Variants in SLC2A9 observed in about 807,000 individuals in gnomAD.
SLC2A9 encodes solute carrier family 2 member 9.
A neutral mutation model predicts 50.6 loss-of-function variants in SLC2A9; 39 were observed. The observed-to-expected ratio is 0.77, with a 90% CI of 0.60 to 1.01. The LOEUF (loss-of-function observed/expected upper bound fraction) is 1.01, where lower values mean the gene tolerates loss of function less well. Ranked by LOEUF, SLC2A9 falls within the 50% of genes least tolerant of loss-of-function variation. The pLI, the probability that SLC2A9 is intolerant of heterozygous loss-of-function variation, is 0.00. For missense variants in SLC2A9, 686 were observed against 677.6 expected (o/e 1.01, Z -0.14); for synonymous variants, 324 against 276.9 (o/e 1.17, Z -1.69).
intron 6 of SLC2A9, among the ~76,000 whole-genome samples, chr4:9,931,307 G>T (rs1316048832): frequency 6.6e-6 from 1 of 152,164 alleles, no homozygotes; most frequent in Admixed American, 6.5e-5. Context: ...CAAAGAACTT[G>T]AAAGAGGAAT....
intron 2 of SLC2A9, among the ~76,000 whole-genome samples, chr4:10,005,091 T>G (rs1261284037): frequency 1.3e-5 from 2 of 152,238 alleles, no homozygotes; most frequent in Non-Finnish European, 2.9e-5. Context: ...AGATACAAAT[T>G]CTGCTGTTTC....
chr4:9,945,341 C>T (rs1748940395), intron 5 of SLC2A9, among the ~76,000 whole-genome samples: 1 of 152,174 alleles, frequency 6.6e-6, no homozygotes, highest in Non-Finnish European at 1.5e-5. Flanking sequence ...AGGATTTAGT[C>T]CATGAATGGA....
chr4:9,979,394 C>T (rs1307060024), intron 5 of SLC2A9, among the ~76,000 whole-genome samples: 1 of 152,090 alleles, frequency 6.6e-6, no homozygotes, highest in Non-Finnish European at 1.5e-5. Context: ...GTGCACTGTT[C>T]GTGCCTAGAA....
chr4:9,809,286 T>C (rs1351166119), intron 3 of SLC2A9, among the ~76,000 whole-genome samples: 3 of 152,082 alleles, frequency 2.0e-5, no homozygotes, highest in Non-Finnish European at 4.4e-5. Flanking sequence ...TATCATATCC[T>C]GTTGTCCCCA....
intron 3 of SLC2A9, among the ~76,000 whole-genome samples, chr4:9,991,865 G>T (rs1256113510): frequency 1.3e-5 from 2 of 152,196 alleles, no homozygotes; most frequent in African/African-American, 2.4e-5. Flanking sequence ...GTGAGAAAAT[G>T]AATGTCTGTT....
chr4:9,875,007 G>A (rs1212119784), intron 10 of SLC2A9, among the ~76,000 whole-genome samples: 1 of 142,942 alleles, frequency 7.0e-6, no homozygotes, highest in Admixed American at 6.9e-5. Flanking sequence ...TGTCTAAGAT[G>A]GGATGCTGTG....
chr4:9,865,135 C>A (rs902520350), intron 10 of SLC2A9, among the ~76,000 whole-genome samples: 1 of 152,206 alleles, frequency 6.6e-6, no homozygotes, highest in African/African-American at 2.4e-5. Flanking sequence ...GTTAGAACAG[C>A]GGTTCATAGC....
chr4:9,837,873 G>A (rs1485684900), intron 10 of SLC2A9, among the ~76,000 whole-genome samples: 2 of 152,144 alleles, frequency 1.3e-5, no homozygotes, highest in Non-Finnish European at 2.9e-5. Context: ...TTCCCAACCA[G>A]AGAAGGTGGT....
intron 3 of SLC2A9, among the ~76,000 whole-genome samples, chr4:9,993,003 A>C (rs1465977024): frequency 6.6e-6 from 1 of 152,252 alleles, no homozygotes; most frequent in Non-Finnish European, 1.5e-5. Flanking sequence ...ATAAAGACTT[A>C]CATAATGAAT....
chr4:10,027,159 G>T (rs1373311593), intron 1 of SLC2A9, among the ~76,000 whole-genome samples: 1 of 152,196 alleles, frequency 6.6e-6, no homozygotes, highest in Non-Finnish European at 1.5e-5. Flanking sequence ...ATCAGCGGTG[G>T]CCCAGGACTG....
At chr4:9,933,462 C>T (rs1353085472) in intron 6 of SLC2A9, among the ~76,000 whole-genome samples, 1 of 152,218 alleles carries the variant, frequency 6.6e-6, no homozygotes, top group East Asian at 1.9e-4. Context: ...TAACCATTTC[C>T]TGGCATCCAG....
chr4:9,908,214 A>G, intron 8 of SLC2A9, 21 bp downstream of exon 8: 1 of 1,543,262 alleles, frequency 6.5e-7, no homozygotes, highest in Non-Finnish European at 9.0e-7. Context: ...CATTCTCAGG[A>G]GTAACCCTCA....
At position 9,924,321 on chromosome 4, in the gene SLC2A9, T is replaced by A. The variant is rs191844467; in HGVS notation, c.815-3749A>T. 5.1e-4 allele frequency among the ~76,000 whole-genome samples: 77 copies of A among 152,296 alleles called. 2 individuals carry two copies. In the East Asian group the frequency reaches 0.014, roughly 27 times the overall value. ...GCACCCGTGCCTCTCCGCCTGCGGC[T>A]TTCCCTGGGCACAGGTGTGTGCTCA... On this transcript the variant is annotated intron_variant, in intron 6 of 11. Coordinates refer to ENST00000264784, the MANE Select transcript of SLC2A9 (RefSeq NM_020041.3).
chr4:9,899,032 C>T (rs1739115578), intron 8 of SLC2A9, among the ~76,000 whole-genome samples: 1 of 152,066 alleles, frequency 6.6e-6, no homozygotes, highest in South Asian at 2.1e-4. Context: ...TTCAAATTTA[C>T]ATTTTAAAGC....
At chr4:9,801,334 C>T (rs187884463) in intron 3 of SLC2A9, among the ~76,000 whole-genome samples, 1 of 152,338 alleles carries the variant, frequency 6.6e-6, no homozygotes, top group African/African-American at 2.4e-5. Context: ...GCCTGGTAAA[C>T]TTACAAGCTA....
chr4:9,893,759 G>A (rs1162943372), intron 8 of SLC2A9, among the ~76,000 whole-genome samples: 2 of 152,154 alleles, frequency 1.3e-5, no homozygotes, highest in African/African-American at 4.8e-5. Context: ...CCCCCGCAAA[G>A]GTAATAGGAG....
intron 6 of SLC2A9, 28 bp downstream of exon 6, chr4:9,941,885 G>C: frequency 6.2e-7 from 1 of 1,613,616 alleles, no homozygotes; most frequent in Non-Finnish European, 8.5e-7. Context: ...AGGGGCTGGA[G>C]CTGTGCAGGA....
rs74659337 is a variant in SLC2A9, at chr4:9,893,611, A to G, written c.1114-2900T>C. On this transcript the variant is annotated intron_variant, in intron 8 of 11. Coordinates refer to ENST00000264784, the MANE Select transcript of SLC2A9 (RefSeq NM_020041.3). ...GAGTGAGGGAGGGAGGGAGACACAG[A>G]GAAACCTGCATTTAAAGCATCCCTT... Among the ~76,000 whole-genome samples the G allele has an allele frequency of 7.0e-3, 1,062 of 152,098 alleles. 15 individuals are homozygous for G. Among genetic ancestry groups the G allele is most frequent in the African/African-American group, 0.024 (1,010 of 41,464 alleles).
intron 1 of SLC2A9, among the ~76,000 whole-genome samples, chr4:10,026,504 C>T (rs1763758046): frequency 6.6e-6 from 1 of 152,228 alleles, no homozygotes; most frequent in South Asian, 2.1e-4. Flanking sequence ...GCAATTCCAC[C>T]ACCACATCGA....
Sources: gnomAD v4.1 joint callset for allele counts (sites outside exome capture counted in the v4.1 genomes callset) on GRCh38, gnomAD v4.1.1 for gene constraint, MANE v1.5 for transcripts, NCBI Gene and HGNC (gene_info 2026-07-23, HGNC 2026-07-21) for gene names.